Variants in FANCC observed in about 807,000 individuals in gnomAD.
The protein encoded by FANCC is Fanconi anemia group C protein.
A neutral mutation model predicts 71.3 loss-of-function variants in FANCC; 55 were observed. The ratio of observed to expected loss-of-function variants is 0.77; its 90% CI spans 0.62 to 0.97. The LOEUF (loss-of-function observed/expected upper bound fraction) is 0.97. Ranked by LOEUF, FANCC falls within the 50% of genes least tolerant of loss-of-function variation. The pLI, the probability that FANCC is intolerant of heterozygous loss-of-function variation, is 0.00. For synonymous variants in FANCC, 275 were observed against 244.9 expected (o/e 1.12, Z -1.15); for missense variants, 678 against 670.9 (o/e 1.01, Z -0.12).
chr9:95,313,316 T>C (rs1835524668), intron 1 of FANCC, among the ~76,000 whole-genome samples: 1 of 152,108 alleles, frequency 6.6e-6, no homozygotes, highest in Admixed American at 6.5e-5. Flanking sequence ...GTCACGTGTG[T>C]GCCTGGGAAC....
chr9:95,150,794 C>G (rs4647497), intron 6 of FANCC, among the ~76,000 whole-genome samples: 4,527 of 152,214 alleles, frequency 0.03, 93 homozygotes, highest in Non-Finnish European at 0.047. Flanking sequence ...GTCTTTTCTG[C>G]CTCTGACTGC....
At chr9:95,297,472 G>A (rs901615029) in intron 1 of FANCC, among the ~76,000 whole-genome samples, 3 of 152,150 alleles carry the variant, frequency 2.0e-5, no homozygotes, top group Non-Finnish European at 4.4e-5. Flanking sequence ...CTTAGAAGGA[G>A]ATACAGATGC....
intron 4 of FANCC, among the ~76,000 whole-genome samples, chr9:95,189,287 C>CT (rs35694365): frequency 2.0e-5 from 3 of 151,970 alleles, no homozygotes; most frequent in Non-Finnish European, 2.9e-5. Context: ...TTTTAGAGCC[C>CT]TTTTTACTAT....
At chr9:95,224,522 A>T (rs1440224221) in intron 4 of FANCC, among the ~76,000 whole-genome samples, 2 of 151,966 alleles carry the variant, frequency 1.3e-5, no homozygotes, top group Admixed American at 1.3e-4. Flanking sequence ...AAAAACAGAA[A>T]ATTTATCATC....
intron 1 of FANCC, among the ~76,000 whole-genome samples, chr9:95,308,473 G>A (rs1835191113): frequency 6.6e-6 from 1 of 151,596 alleles, no homozygotes. Context: ...TTTTATTAGA[G>A]ACAGGTTTCA....
In FANCC at chr9:95,171,459, GA is replaced by G. The variant is rs766110813; in HGVS notation, c.457-317del. Among the ~76,000 whole-genome samples, 511 of 129,878 alleles carry G rather than the reference GA, an allele frequency of 3.9e-3. 2 individuals are homozygous for G. Among genetic ancestry groups the G allele is most frequent in the East Asian group, 0.015 (68 of 4,566 alleles). The allele number at this position is 129,878 out of a possible 152,430, so 85.2% of individuals were successfully genotyped here. A position where few individuals can be genotyped will look rare whatever the true frequency, so the allele number is the denominator to read the frequency against. On this transcript the variant is annotated intron_variant, in intron 5 of 14. Transcript: ENST00000289081. ...TCTTCATTTAAAATTCAGTTCATTT[GA>G]AAAAAAAAAAAAAGTTGTTATTGTA...
intron 7 of FANCC, among the ~76,000 whole-genome samples, chr9:95,141,039 G>C (rs909706874): frequency 1.3e-5 from 2 of 152,120 alleles, no homozygotes; most frequent in Non-Finnish European, 2.9e-5. Context: ...GCTGGGCACA[G>C]TGTCTCAGGC....
At chr9:95,135,665 C>T in intron 7 of FANCC, 163 bp from the exon 8 acceptor site, 1 of 634,710 alleles carries the variant, frequency 1.6e-6, no homozygotes, top group South Asian at 2.0e-5. Context: ...TTACCAAGTG[C>T]TCATTTGCAA....
chr9:95,186,862 G>A (rs1826759662), intron 4 of FANCC, among the ~76,000 whole-genome samples: 1 of 149,412 alleles, frequency 6.7e-6, no homozygotes, highest in African/African-American at 2.5e-5. Context: ...CGTGATCTCA[G>A]CTCATAGCAA....
intron 1 of FANCC, among the ~76,000 whole-genome samples, chr9:95,263,522 A>C (rs924912582): frequency 9.7e-5 from 14 of 143,604 alleles, no homozygotes; most frequent in Non-Finnish European, 2.0e-4. Flanking sequence ...ATATATCTAT[A>C]TATATATAGA....
At chr9:95,138,916 T>C (rs1025934474) in intron 7 of FANCC, among the ~76,000 whole-genome samples, 1 of 152,256 alleles carries the variant, frequency 6.6e-6, no homozygotes, top group African/African-American at 2.4e-5. Context: ...ATTAGAGCCT[T>C]GATTCAGAGC....
intron 1 of FANCC, among the ~76,000 whole-genome samples, chr9:95,263,227 G>A (rs1390942919): frequency 2.0e-5 from 3 of 152,042 alleles, no homozygotes; most frequent in African/African-American, 7.2e-5. Context: ...TCTCCTCAGG[G>A]CCCCCTCAGA....
Position 95,171,630 on chromosome 9 carries a change from G to A in FANCC, c.456+407C>T, listed in dbSNP as rs76091383. On this transcript the variant is annotated intron_variant, in intron 5 of 14. Transcript: ENST00000289081. ...GAAGAAAACAATGCTTTAATATTAA[G>A]AGGTAAATATTTAAAACTATGTACT... Among the ~76,000 whole-genome samples, 506 of 152,250 alleles carry A rather than the reference G, an allele frequency of 3.3e-3. 9 individuals are homozygous for A. The East Asian group carries it at 0.044, about 13-fold the overall frequency.
chr9:95,267,224 A>G (rs1244551818), intron 1 of FANCC, among the ~76,000 whole-genome samples: 1 of 152,162 alleles, frequency 6.6e-6, no homozygotes, highest in Non-Finnish European at 1.5e-5. Flanking sequence ...GGTGGGATGG[A>G]AGGTGCTGAC....
intron 4 of FANCC, among the ~76,000 whole-genome samples, chr9:95,179,687 A>G (rs1316473624): frequency 6.6e-6 from 1 of 152,210 alleles, no homozygotes; most frequent in East Asian, 1.9e-4. Flanking sequence ...ATATGGGTGT[A>G]CTGATTTGTC....
At chr9:95,213,699 A>G (rs1339653954) in intron 4 of FANCC, among the ~76,000 whole-genome samples, 1 of 152,218 alleles carries the variant, frequency 6.6e-6, no homozygotes, top group African/African-American at 2.4e-5. Context: ...TAAAACTATA[A>G]AATTCTTAGA....
chr9:95,168,856 G>A (rs1774606341), intron 6 of FANCC, among the ~76,000 whole-genome samples: 1 of 152,198 alleles, frequency 6.6e-6, no homozygotes, highest in African/African-American at 2.4e-5. Context: ...TGAGTAGCAT[G>A]ATGAAATCTC....
chr9:95,123,494 G>A (rs1239330732), intron 10 of FANCC: 1 of 467,930 alleles, frequency 2.1e-6, no homozygotes, highest in Non-Finnish European at 4.3e-6. Context: ...ACAAAAATTA[G>A]TGCTTCCTCC....
chr9:95,135,668 A>C, intron 7 of FANCC, 166 bp from the exon 8 acceptor site: 3 of 628,010 alleles, frequency 4.8e-6, no homozygotes, highest in South Asian at 3.9e-5. Context: ...CCAAGTGCTC[A>C]TTTGCAAAAT....
Sources: gnomAD v4.1 joint callset for allele counts (sites outside exome capture counted in the v4.1 genomes callset) on GRCh38, gnomAD v4.1.1 for gene constraint, MANE v1.5 for transcripts, NCBI Gene and HGNC (gene_info 2026-07-23, HGNC 2026-07-21) for gene names.